EMILIN2: variants seen among roughly 807,000 people sequenced by gnomAD.
The protein encoded by EMILIN2 is elastin microfibril interfacer 2.
EMILIN2 carries 71 observed loss-of-function variants against 87.1 expected under a neutral mutation model. The ratio of observed to expected loss-of-function variants is 0.82; its 90% CI spans 0.67 to 0.99. The LOEUF (loss-of-function observed/expected upper bound fraction) is 0.99, where lower values mean the gene tolerates loss of function less well. Among genes scored for constraint, EMILIN2 ranks in the 50% least tolerant of loss-of-function variants. The pLI is 0.00. For missense variants in EMILIN2, 1,407 were observed against 1,371.8 expected, an observed-to-expected ratio of 1.03 and a Z score of -0.40; for synonymous variants, 581 against 563.4, an observed-to-expected ratio of 1.03 and a Z score of -0.44.
Position 2,891,093 on chromosome 18 carries a change from C to A in EMILIN2, c.966C>A (p.Ile322=). The change falls in exon 4 of 8, where the codon ATC becomes ATA. Residue 322 remains isoleucine (I), a synonymous_variant. Transcript: ENST00000254528. The surrounding 1 kb of genome is among the most constrained non-coding windows in gnomAD (Gnocchi z 4.6). ...ELYQAYVDSK[I]DALREELMEG... ...ACCAAGCCTATGTGGACAGTAAGAT[C>A]GACGCCCTGAGAGAGGAGCTCATGG... 6.2e-7 allele frequency: 1 copy of A among 1,614,098 alleles called. No individual in the cohort carries two copies. The highest frequency in any genetic ancestry group is 8.5e-7 in the Non-Finnish European group (1 of 1,180,036).
intron 2 of EMILIN2, among the ~76,000 whole-genome samples, chr18:2,876,751 G>A (rs2076751073): frequency 6.6e-6 from 1 of 152,150 alleles, no homozygotes; most frequent in African/African-American, 2.4e-5. Context: ...GGGAGACAGA[G>A]TGAGACTCTG....
chr18:2,857,044 C>T (rs772301725), intron 2 of EMILIN2, among the ~76,000 whole-genome samples: 2 of 152,156 alleles, frequency 1.3e-5, no homozygotes, highest in African/African-American at 2.4e-5. Flanking sequence ...TAAAAGCAAA[C>T]GTTTCTGGGT....
intron 3 of EMILIN2, among the ~76,000 whole-genome samples, chr18:2,889,283 A>G (rs1209498263): frequency 1.3e-5 from 2 of 151,248 alleles, no homozygotes; most frequent in South Asian, 4.2e-4. Context: ...GATTACAGGC[A>G]CCAGCCACCA....
At chr18:2,875,709 A>G (rs968853759) in intron 2 of EMILIN2, among the ~76,000 whole-genome samples, 37 of 152,202 alleles carry the variant, frequency 2.4e-4, no homozygotes, top group African/African-American at 8.7e-4. Flanking sequence ...GCAGTTGGAG[A>G]TGATGTCATT....
chr18:2,850,978 G>A (rs1223112659), intron 2 of EMILIN2, among the ~76,000 whole-genome samples: 2 of 151,970 alleles, frequency 1.3e-5, no homozygotes, highest in East Asian at 1.9e-4. Flanking sequence ...GCAGAAAGAG[G>A]CCATTCAGGT....
rs1049034768 is a variant in EMILIN2, at chr18:2,847,360, C to T, written c.134+38C>T. On this transcript the variant is annotated intron_variant, in intron 1 of 7. Coordinates refer to ENST00000254528, the MANE Select transcript of EMILIN2 (RefSeq NM_032048.3). The surrounding 1 kb of genome is among the most constrained non-coding windows in gnomAD (Gnocchi z 4.5). ...CCCTTGGCTGGCCCCAAACCGCCTA[C>T]CCCTCCCCGGCCCCCAGTTGAGCCC... is the stretch of plus-strand genomic sequence containing the variant. 2.3e-6 allele frequency: 3 copies of T among 1,284,696 alleles called. No individual in the cohort carries two copies. The highest frequency in any genetic ancestry group is 3.0e-6 in the Non-Finnish European group (3 of 1,016,276). 79.6% of individuals were successfully genotyped at this position (1,284,696 alleles called of 1,614,324 possible). A position where few individuals can be genotyped will look rare whatever the true frequency, so the allele number is the denominator to read the frequency against.
chr18:2,858,445 A>T (rs1268006206), intron 2 of EMILIN2, among the ~76,000 whole-genome samples: 2 of 145,844 alleles, frequency 1.4e-5, no homozygotes, highest in Non-Finnish European at 3.0e-5. Flanking sequence ...TTCATTTAGA[A>T]TAATAGTCTC....
At chr18:2,868,528 C>T (rs1598489349) in intron 2 of EMILIN2, among the ~76,000 whole-genome samples, 1 of 152,276 alleles carries the variant, frequency 6.6e-6, no homozygotes, top group African/African-American at 2.4e-5. Context: ...GTGAACGAGG[C>T]TCCCTCTGCA....
chr18:2,893,335 G>T (rs1174880502), intron 4 of EMILIN2, among the ~76,000 whole-genome samples: 2 of 150,780 alleles, frequency 1.3e-5, no homozygotes, highest in Non-Finnish European at 2.9e-5. Flanking sequence ...TCATCTTCAG[G>T]GCTTAGCTGA....
At chr18:2,898,645 T>C (rs568480943) in intron 4 of EMILIN2, among the ~76,000 whole-genome samples, 1 of 152,368 alleles carries the variant, frequency 6.6e-6, no homozygotes, top group Non-Finnish European at 1.5e-5. Flanking sequence ...ATTTTCATCA[T>C]AGCGTTTCTT....
In EMILIN2 at chr18:2,902,612, T is replaced by C. The variant is rs369297945; in HGVS notation, c.2360-4171T>C. On this transcript the variant is annotated intron_variant, in intron 4 of 7. Coordinates refer to ENST00000254528, the MANE Select transcript of EMILIN2 (RefSeq NM_032048.3). ...CATGAGAGCTGGGTACCAGTGAGCA[T>C]ACTGATGGCAGCCAAAGGAGGCGGG... 3.2e-4 allele frequency among the ~76,000 whole-genome samples: 48 copies of C among 152,292 alleles called. No homozygotes were observed. The South Asian group carries it at 9.7e-3, about 31-fold the overall frequency.
intron 4 of EMILIN2, among the ~76,000 whole-genome samples, chr18:2,905,057 C>A (rs9945926): frequency 0.026 from 4,006 of 152,164 alleles, 169 homozygotes; most frequent in African/African-American, 0.091. Flanking sequence ...TCTGTCTAAC[C>A]CAGCCTTTCT....
At chr18:2,908,497 A>G (rs147109817) in intron 5 of EMILIN2, among the ~76,000 whole-genome samples, 447 of 152,178 alleles carry the variant, frequency 2.9e-3, no homozygotes, top group African/African-American at 0.01. Flanking sequence ...GCATCCACTC[A>G]TCCATCTATT....
intron 2 of EMILIN2, among the ~76,000 whole-genome samples, chr18:2,850,093 A>ATTTTTTTTTT (rs71366611): frequency 2.4e-4 from 29 of 122,506 alleles, no homozygotes; most frequent in African/African-American, 4.7e-4. Flanking sequence ...TGCCCAGCTA[A>ATTTTTTTTTT]TTTTTTTTTT....
At chr18:2,899,242 T>G (rs2076877410) in intron 4 of EMILIN2, among the ~76,000 whole-genome samples, 1 of 152,124 alleles carries the variant, frequency 6.6e-6, no homozygotes, top group African/African-American at 2.4e-5. Flanking sequence ...CAGAGGGATC[T>G]ACCCACCCCA....
At chr18:2,899,292 G>A (rs1044531181) in intron 4 of EMILIN2, among the ~76,000 whole-genome samples, 2 of 152,174 alleles carry the variant, frequency 1.3e-5, no homozygotes, top group Non-Finnish European at 2.9e-5. Context: ...GTGGGGGGGA[G>A]GGAGGACACA....
At position 2,905,698 on chromosome 18, in the gene EMILIN2, G is replaced by A. The variant is rs897908566; in HGVS notation, c.2360-1085G>A. Among the ~76,000 whole-genome samples, 4 of 151,886 alleles carry A rather than the reference G, an allele frequency of 2.6e-5. No individual in the cohort carries two copies. The East Asian group carries it at 7.8e-4, about 30-fold the overall frequency. ...GCTCCCTGCAACCTCCACCTCCTGGGTTCAAGTGATTCTCCTGCCTCAGCC... is the reference window on the plus strand; with the variant it reads ...GCTCCCTGCAACCTCCACCTCCTGGATTCAAGTGATTCTCCTGCCTCAGCC... On this transcript the variant is annotated intron_variant, in intron 4 of 7. Transcript: ENST00000254528.
chr18:2,903,410 CT>C, intron 4 of EMILIN2, among the ~76,000 whole-genome samples: 1 of 152,310 alleles, frequency 6.6e-6, no homozygotes, highest in East Asian at 1.9e-4. Flanking sequence ...ACCAGCTCCC[CT>C]GTTCCCTTCC....
Position 2,891,104 on chromosome 18 carries a change from G to GA in EMILIN2, c.978dup (p.Glu327ArgfsTer13), listed in dbSNP as rs746966158. ...GTGGACAGTAAGATCGACGCCCTGA[G>GA]AGAGGAGCTCATGGAGGGCATGGAC... On this transcript the variant is annotated frameshift_variant, in exon 4 of 8. Transcript: ENST00000254528. LOFTEE classifies it high-confidence loss of function. The surrounding 1 kb of genome is among the most constrained non-coding windows in gnomAD (Gnocchi z 4.6). 4 of 1,614,208 alleles carry GA rather than the reference G, an allele frequency of 2.5e-6. No individual in the cohort carries two copies. The highest frequency in any genetic ancestry group is 3.4e-6 in the Non-Finnish European group (4 of 1,180,042).
Sources: allele counts gnomAD v4.1 joint callset (sites outside exome capture counted in the v4.1 genomes callset), GRCh38; gene constraint gnomAD v4.1.1; non-coding constraint Gnocchi (gnomAD v3.1); transcripts MANE v1.5; gene names NCBI Gene and HGNC (gene_info 2026-07-23, HGNC 2026-07-21).